Variants in ACOXL observed in about 807,000 individuals in gnomAD.
The protein encoded by ACOXL is acyl-coenzyme A oxidase-like protein.
A neutral mutation model predicts 71.9 loss-of-function variants in ACOXL; 70 were observed. That is an observed-to-expected ratio of 0.97 (90% CI 0.80 to 1.19). ACOXL has a LOEUF of 1.19. ACOXL is among the 50% of genes most tolerant of loss of function. The pLI is 0.00. For missense variants in ACOXL, 703 were observed against 736.3 expected (o/e 0.95, Z 0.52); for synonymous variants, 253 against 281.6 (o/e 0.90, Z 1.02).
Position 110,794,124 on chromosome 2 carries a change from A to G in ACOXL, c.295A>G (p.Ser99Gly). The G allele has an allele frequency of 6.2e-7, 1 of 1,614,154 alleles. No homozygotes were observed. The highest frequency in any genetic ancestry group is 8.5e-7 in the Non-Finnish European group (1 of 1,180,024). ...TGCAATGACCGAGAGGGGCCATGGG[A>G]GCAACGCGAGAGGGATCCAGACCGA... ...MFAMTERGHG[S>G]NARGIQTEAT... Residue 99 changes from serine (S) to glycine (G), a missense_variant, in exon 5 of 18, where the codon AGC becomes GGC. Ser to Gly is a moderately conservative substitution (Grantham distance 56). Transcript: ENST00000439055.
At chr2:110,882,090 C>T (rs557187606) in intron 10 of ACOXL, among the ~76,000 whole-genome samples, 11 of 152,272 alleles carry the variant, frequency 7.2e-5, no homozygotes, top group South Asian at 4.1e-4. Context: ...CCGACAGCGG[C>T]GTATGAGAGT....
intron 10 of ACOXL, among the ~76,000 whole-genome samples, chr2:110,856,712 C>T (rs750827437): frequency 1.3e-5 from 2 of 152,184 alleles, no homozygotes; most frequent in African/African-American, 2.4e-5. Flanking sequence ...GGGTGGAAGA[C>T]ATGGACAGGA....
At chr2:110,769,257 A>AGAAC in intron 2 of ACOXL, among the ~76,000 whole-genome samples, 1 of 152,132 alleles carries the variant, frequency 6.6e-6, no homozygotes, top group South Asian at 2.1e-4. Flanking sequence ...AAAGAAAGAA[A>AGAAC]GAAAGAAAAA....
chr2:111,035,031 C>T (rs2065447228), intron 15 of ACOXL, among the ~76,000 whole-genome samples: 1 of 151,898 alleles, frequency 6.6e-6, no homozygotes, highest in Non-Finnish European at 1.5e-5. Context: ...CCACACCCAG[C>T]TAATTTTTTG....
chr2:110,771,266 A>G (rs927918586), intron 2 of ACOXL, among the ~76,000 whole-genome samples: 3 of 152,234 alleles, frequency 2.0e-5, no homozygotes, highest in South Asian at 2.1e-4. Flanking sequence ...TCCGCCCTGT[A>G]AACAGCTGGA....
At chr2:110,734,976 A>G (rs1053607541) in intron 1 of ACOXL, among the ~76,000 whole-genome samples, 1 of 152,200 alleles carries the variant, frequency 6.6e-6, no homozygotes, top group Non-Finnish European at 1.5e-5. Context: ...TTGCGTGGGC[A>G]TGGAGTAAAC....
At chr2:110,888,761 A>G (rs543910354) in intron 10 of ACOXL, among the ~76,000 whole-genome samples, 13 of 152,326 alleles carry the variant, frequency 8.5e-5, no homozygotes, top group Admixed American at 2.0e-4. Flanking sequence ...AGGAAAAGCA[A>G]AGATCTCATT....
intron 14 of ACOXL, among the ~76,000 whole-genome samples, chr2:111,005,390 G>T (rs2063827417): frequency 6.6e-6 from 1 of 152,180 alleles, no homozygotes; most frequent in Admixed American, 6.5e-5. Context: ...TAGAGGTTTG[G>T]ATGGAGAATT....
intron 10 of ACOXL, among the ~76,000 whole-genome samples, chr2:110,842,585 A>G (rs1210438853): frequency 1.3e-5 from 2 of 152,220 alleles, no homozygotes; most frequent in Admixed American, 6.5e-5. Context: ...ACAGTTGTAG[A>G]GATGGATAAT....
chr2:110,930,525 G>T (rs1456775370), intron 11 of ACOXL, among the ~76,000 whole-genome samples: 1 of 152,198 alleles, frequency 6.6e-6, no homozygotes, highest in East Asian at 1.9e-4. Context: ...TTAAGACTTT[G>T]GGGGACTGTT....
chr2:110,871,800 C>T (rs967124541), intron 10 of ACOXL, among the ~76,000 whole-genome samples: 1 of 152,114 alleles, frequency 6.6e-6, no homozygotes, highest in African/African-American at 2.4e-5. Flanking sequence ...GTTTGGAGAC[C>T]AACACTCATA....
At chr2:111,057,759 C>T (rs531643803) in intron 16 of ACOXL, among the ~76,000 whole-genome samples, 13 of 152,360 alleles carry the variant, frequency 8.5e-5, no homozygotes, top group South Asian at 2.1e-4. Context: ...TACATGTGCC[C>T]GACTGCCTAA....
At chr2:110,936,749 G>A (rs551952245) in intron 12 of ACOXL, among the ~76,000 whole-genome samples, 4 of 152,290 alleles carry the variant, frequency 2.6e-5, no homozygotes, top group Middle Eastern at 3.4e-3. Flanking sequence ...AGGGTTCTGA[G>A]CACGGGAGCT....
At chr2:110,819,769 A>G (rs1688385207) in intron 9 of ACOXL, among the ~76,000 whole-genome samples, 1 of 152,162 alleles carries the variant, frequency 6.6e-6, no homozygotes, top group Admixed American at 6.5e-5. Context: ...AGCCAATAAC[A>G]CTGATATTCT....
intron 16 of ACOXL, among the ~76,000 whole-genome samples, chr2:111,073,522 CCTTT>C (rs1263594029): frequency 1.3e-5 from 2 of 152,060 alleles, no homozygotes; most frequent in African/African-American, 4.8e-5. Flanking sequence ...AAAATACTAT[CCTTT>C]CTTCATTCAA....
chr2:110,934,614 T>C (rs990266850), intron 12 of ACOXL, among the ~76,000 whole-genome samples: 2 of 152,180 alleles, frequency 1.3e-5, no homozygotes, highest in South Asian at 4.1e-4. Context: ...GCCGATTCCC[T>C]GCCATCCGTG....
intron 14 of ACOXL, among the ~76,000 whole-genome samples, chr2:111,002,222 C>T (rs2063668557): frequency 6.6e-6 from 1 of 152,048 alleles, no homozygotes; most frequent in South Asian, 2.1e-4. Context: ...CCAAGATATG[C>T]CCAGGTTCCT....
At chr2:110,858,886 C>T (rs1043701986) in intron 10 of ACOXL, among the ~76,000 whole-genome samples, 4 of 152,212 alleles carry the variant, frequency 2.6e-5, no homozygotes, top group African/African-American at 9.7e-5. Flanking sequence ...AAACAGGAAG[C>T]CTGCCTTCTC....
At chr2:111,038,905 C>T (rs915204619) in intron 15 of ACOXL, among the ~76,000 whole-genome samples, 19 of 152,110 alleles carry the variant, frequency 1.2e-4, no homozygotes, top group Non-Finnish European at 2.4e-4. Context: ...AGAAAAAAAA[C>T]ATAGAAAAAG....
Sources: gnomAD v4.1 joint callset for allele counts (sites outside exome capture counted in the v4.1 genomes callset) on GRCh38, gnomAD v4.1.1 for gene constraint, MANE v1.5 for transcripts, NCBI Gene and HGNC (gene_info 2026-07-23, HGNC 2026-07-21) for gene names.